CCSER1: variants seen among roughly 807,000 people sequenced by gnomAD.
CCSER1 encodes the protein coiled-coil serine rich protein 1.
In CCSER1, 41 loss-of-function variants were observed where a neutral mutation model predicts 82.0. The observed-to-expected ratio is 0.50, with a 90% CI of 0.39 to 0.65. The LOEUF is 0.65. Ranked by LOEUF, CCSER1 falls within the 30% of genes least tolerant of loss-of-function variation. CCSER1 has a pLI of 0.00. For missense variants in CCSER1, 1,119 were observed against 1,064.2 expected, an observed-to-expected ratio of 1.05 and a Z score of -0.72; for synonymous variants, 414 against 383.9, an observed-to-expected ratio of 1.08 and a Z score of -0.92.
intron 10 of CCSER1, among the ~76,000 whole-genome samples, chr4:91,223,230 G>A (rs12506868): frequency 0.54 from 81,521 of 151,724 alleles, 22,580 homozygotes; most frequent in East Asian, 0.91. Flanking sequence ...TAGTGAGTTC[G>A]TATTATTTCC....
intron 5 of CCSER1, among the ~76,000 whole-genome samples, chr4:90,482,282 C>T (rs1249345403): frequency 1.3e-5 from 2 of 151,916 alleles, no homozygotes. Context: ...ATTAGTCTTG[C>T]TAGTGGTCTA....
chr4:91,260,275 T>A (rs1258809758), intron 10 of CCSER1, among the ~76,000 whole-genome samples: 1 of 152,168 alleles, frequency 6.6e-6, no homozygotes, highest in African/African-American at 2.4e-5. Flanking sequence ...CATAACACAC[T>A]GTTCTTCCCA....
intron 5 of CCSER1, among the ~76,000 whole-genome samples, chr4:90,604,921 C>G (rs1318145876): frequency 6.6e-6 from 1 of 152,164 alleles, no homozygotes; most frequent in Non-Finnish European, 1.5e-5. Flanking sequence ...GTAAAATGGA[C>G]CAATCAGCAG....
chr4:90,734,477 T>A (rs1370988550), intron 7 of CCSER1, among the ~76,000 whole-genome samples: 4 of 152,086 alleles, frequency 2.6e-5, no homozygotes, highest in Non-Finnish European at 2.9e-5. Flanking sequence ...TTTTGTATCC[T>A]CTTCAATTTA....
intron 9 of CCSER1, among the ~76,000 whole-genome samples, chr4:90,972,242 T>C (rs1417885028): frequency 6.6e-6 from 1 of 151,764 alleles, no homozygotes; most frequent in Non-Finnish European, 1.5e-5. Flanking sequence ...ACCCTAAAGA[T>C]GCCACCCAAA....
At chr4:90,238,423 C>G (rs751669813) in intron 1 of CCSER1, among the ~76,000 whole-genome samples, 5 of 152,148 alleles carry the variant, frequency 3.3e-5, no homozygotes, top group Non-Finnish European at 7.4e-5. Context: ...TGGCATTGTA[C>G]AAATGGTATT....
intron 10 of CCSER1, among the ~76,000 whole-genome samples, chr4:91,222,233 T>C (rs1196324776): frequency 6.6e-6 from 1 of 150,780 alleles, no homozygotes; most frequent in East Asian, 2.0e-4. Flanking sequence ...TGCAGGAAGG[T>C]GAGCACAGCC....
chr4:90,291,237 A>G (rs1329009332), intron 1 of CCSER1, among the ~76,000 whole-genome samples: 1 of 152,060 alleles, frequency 6.6e-6, no homozygotes, highest in Non-Finnish European at 1.5e-5. Context: ...TATAAATGTT[A>G]GTGCAGCTAC....
chr4:91,574,004 A>T (rs964978939), intron 10 of CCSER1, among the ~76,000 whole-genome samples: 1 of 152,120 alleles, frequency 6.6e-6, no homozygotes, highest in Non-Finnish European at 1.5e-5. Context: ...GATGAGAGAA[A>T]TCGAGGACAT....
At chr4:91,081,345 A>T (rs575235494) in intron 9 of CCSER1, among the ~76,000 whole-genome samples, 33 of 152,118 alleles carry the variant, frequency 2.2e-4, no homozygotes, top group Non-Finnish European at 4.6e-4. Flanking sequence ...AAGGCCTTCG[A>T]TGAATAAAAT....
intron 10 of CCSER1, among the ~76,000 whole-genome samples, chr4:91,376,145 A>G (rs1319135698): frequency 6.6e-6 from 1 of 152,212 alleles, no homozygotes; most frequent in Non-Finnish European, 1.5e-5. Context: ...AAATAAGTAT[A>G]AGATAAACAT....
intron 10 of CCSER1, among the ~76,000 whole-genome samples, chr4:91,182,360 C>T (rs1734123369): frequency 6.6e-6 from 1 of 152,222 alleles, no homozygotes; most frequent in Non-Finnish European, 1.5e-5. Flanking sequence ...TCCACCAAAT[C>T]AGTTGTTCTG....
At chr4:90,553,182 A>G (rs1777733589) in intron 5 of CCSER1, among the ~76,000 whole-genome samples, 1 of 152,148 alleles carries the variant, frequency 6.6e-6, no homozygotes, top group African/African-American at 2.4e-5. Flanking sequence ...CCTGTTGGCC[A>G]GGATGGTCTC....
chr4:90,451,434 T>G (rs1008067180), intron 4 of CCSER1, among the ~76,000 whole-genome samples: 1 of 152,192 alleles, frequency 6.6e-6, no homozygotes, highest in African/African-American at 2.4e-5. Context: ...GGGATTATTT[T>G]TGAGGCAAGT....
chr4:91,219,693 A>G (rs987284616), intron 10 of CCSER1, among the ~76,000 whole-genome samples: 1 of 152,206 alleles, frequency 6.6e-6, no homozygotes, highest in Non-Finnish European at 1.5e-5. Context: ...TCTGAGCTAC[A>G]TTCACTTAGG....
In CCSER1 at chr4:91,168,862, T is replaced by C. The variant is rs376984931; in HGVS notation, c.2217+82868T>C. Among the ~76,000 whole-genome samples the C allele has an allele frequency of 4.4e-3, 673 of 152,158 alleles. 6 individuals are homozygous for C. Among genetic ancestry groups the C allele is most frequent in the African/African-American group, 0.015 (642 of 41,482 alleles). ...CCATTTTGTTCTGTAGTAAGAAAAA[T>C]TCTTCTGCCTTGGGATGCTGTTAAT... is the stretch of plus-strand genomic sequence containing the variant. On this transcript the variant is annotated intron_variant, in intron 10 of 10. Coordinates refer to ENST00000509176, the MANE Select transcript of CCSER1 (RefSeq NM_001145065.2).
intron 8 of CCSER1, among the ~76,000 whole-genome samples, chr4:90,904,601 A>G (rs1725168209): frequency 6.6e-6 from 1 of 152,104 alleles, no homozygotes; most frequent in African/African-American, 2.4e-5. Context: ...GGCATTAGCC[A>G]TGTGTCATGA....
chr4:91,070,902 C>T (rs1423002392), intron 9 of CCSER1, among the ~76,000 whole-genome samples: 1 of 152,062 alleles, frequency 6.6e-6, no homozygotes. Context: ...TGATGGCACA[C>T]TCTCTGTGGT....
intron 1 of CCSER1, among the ~76,000 whole-genome samples, chr4:90,189,581 C>CTTTGGTT (rs1735246417): frequency 6.6e-6 from 1 of 151,406 alleles, no homozygotes; most frequent in African/African-American, 2.4e-5. Flanking sequence ...CATATATATA[C>CTTTGGTT]CATAGAGACG....
Sources: gnomAD v4.1 joint callset for allele counts (sites outside exome capture counted in the v4.1 genomes callset) on GRCh38, gnomAD v4.1.1 for gene constraint, MANE v1.5 for transcripts, NCBI Gene and HGNC (gene_info 2026-07-23, HGNC 2026-07-21) for gene names.